The following RPAP2 variants were observed in gnomAD, a reference collection of about 807,000 sequenced individuals.
RPAP2 encodes the protein putative RNA polymerase II subunit B1 CTD phosphatase RPAP2.
Under a neutral mutation model 73.1 loss-of-function variants are expected in RPAP2, and 52 were observed. The observed-to-expected ratio is 0.71, with a 90% confidence interval of 0.57 to 0.90. The LOEUF is 0.90. RPAP2 is among the 40% of genes least tolerant of loss of function. The pLI is 0.00. For synonymous variants in RPAP2, 225 were observed against 242.1 expected (o/e 0.93, Z 0.65); for missense variants, 598 against 701.8 (o/e 0.85, Z 1.67).
chr1:92,401,250 G>C lies in RPAP2; in HGVS notation c.*14239G>C, dbSNP rs977209190. The C allele has an allele frequency of 6.6e-6, 1 of 152,200 alleles. No individual in the cohort carries two copies. Among genetic ancestry groups the C allele is most frequent in the African/African-American group, 2.4e-5 (1 of 41,436 alleles). The allele number at this position is 152,200 out of a possible 1,614,324, so 9.4% of individuals were successfully genotyped here. A position where few individuals can be genotyped will look rare whatever the true frequency, so the allele number is the denominator to read the frequency against. ...GACCTTTCTAACTCACTTCTGTAAA[G>C]ATCAATTCAATAAAAGCAGCAAACA... On this transcript the variant is annotated 3_prime_UTR_variant, in exon 13 of 13. Coordinates refer to ENST00000610020, the MANE Select transcript of RPAP2 (RefSeq NM_024813.3).
intron 11 of RPAP2, among the ~76,000 whole-genome samples, chr1:92,373,825 T>C (rs1350632889): frequency 1.4e-5 from 2 of 144,992 alleles, no homozygotes; most frequent in African/African-American, 2.6e-5. Flanking sequence ...GGACTCAGGC[T>C]GAAGAACTGC....
At chr1:92,386,566 C>T (rs917016581) in intron 12 of RPAP2, among the ~76,000 whole-genome samples, 6 of 152,162 alleles carry the variant, frequency 3.9e-5, no homozygotes, top group African/African-American at 4.8e-5. Flanking sequence ...AAGTTGAATA[C>T]GAAGCTCAGT....
intron 11 of RPAP2, among the ~76,000 whole-genome samples, chr1:92,349,688 G>C (rs749418134): frequency 6.6e-6 from 1 of 152,172 alleles, no homozygotes; most frequent in African/African-American, 2.4e-5. Context: ...AGCATTTTGG[G>C]AGGCTGAGGC....
chr1:92,356,298 G>C (rs1269360204), intron 11 of RPAP2, among the ~76,000 whole-genome samples: 2 of 151,560 alleles, frequency 1.3e-5, no homozygotes, highest in African/African-American at 4.8e-5. Flanking sequence ...TTTTATTCTG[G>C]GAATAAGTAT....
intron 11 of RPAP2, among the ~76,000 whole-genome samples, chr1:92,367,703 TC>T (rs2101408913): frequency 6.6e-6 from 1 of 152,296 alleles, no homozygotes; most frequent in South Asian, 2.1e-4. Flanking sequence ...GCCTTTCACT[TC>T]CTGTCCCTTC....
At chr1:92,328,568 T>A (rs1652778657) in intron 8 of RPAP2, among the ~76,000 whole-genome samples, 1 of 152,220 alleles carries the variant, frequency 6.6e-6, no homozygotes, top group Non-Finnish European at 1.5e-5. Flanking sequence ...TTTGTTTGAT[T>A]TCTTTAAGTT....
At chr1:92,347,450 A>G (rs1653961577) in intron 11 of RPAP2, among the ~76,000 whole-genome samples, 1 of 152,172 alleles carries the variant, frequency 6.6e-6, no homozygotes, top group South Asian at 2.1e-4. Flanking sequence ...TTTGGTCGAC[A>G]AGTCAGAGGC....
chr1:92,303,885 G>C (rs139472198), intron 3 of RPAP2, 92 bp from the exon 4 acceptor site: 346 of 771,528 alleles, frequency 4.5e-4, no homozygotes, highest in African/African-American at 4.4e-3. Flanking sequence ...TGCTATCCCT[G>C]TGTTTTCAGA....
In RPAP2 at chr1:92,324,086, A is replaced by G. The variant is rs1481706459; in HGVS notation, c.1166A>G (p.Gln389Arg). The change falls in exon 8 of 13, where the codon CAG becomes CGG. Residue 389 changes from glutamine (Q) to arginine (R), a missense_variant. This residue lies in a region of RPAP2 where 506 missense variants were observed against 612.8 expected (regional missense o/e 0.83). Coordinates refer to ENST00000610020, the MANE Select transcript of RPAP2 (RefSeq NM_024813.3). ...TEETLRFLYGQNYASVCLKPE... is the reference protein window; with the variant it reads ...TEETLRFLYGRNYASVCLKPE... ...GAAACATTGAGGTTTTTGTATGGCCAGAATTATGCTTCTGTGTGTCTGAAA... is the reference window on the plus strand; with the variant it reads ...GAAACATTGAGGTTTTTGTATGGCCGGAATTATGCTTCTGTGTGTCTGAAA... 1.9e-6 allele frequency: 3 copies of G among 1,614,154 alleles called. No individual in the cohort carries two copies. The highest frequency in any genetic ancestry group is 1.7e-5 in the Admixed American group (1 of 60,016).
chr1:92,340,746 T>G (rs895981021), intron 10 of RPAP2, among the ~76,000 whole-genome samples: 1 of 152,184 alleles, frequency 6.6e-6, no homozygotes, highest in Non-Finnish European at 1.5e-5. Context: ...ATTTCCCCAG[T>G]GAATAGAGCT....
intron 10 of RPAP2, among the ~76,000 whole-genome samples, chr1:92,341,422 G>C (rs1307192548): frequency 6.6e-6 from 1 of 152,026 alleles, no homozygotes; most frequent in African/African-American, 2.4e-5. Context: ...AATTATTTTG[G>C]CTCAACAATA....
chr1:92,384,516 C>G (rs1233455466), intron 12 of RPAP2, among the ~76,000 whole-genome samples: 1 of 150,836 alleles, frequency 6.6e-6, no homozygotes, highest in Non-Finnish European at 1.5e-5. Flanking sequence ...CCCAGCTACT[C>G]AGGAGGCTGA....
chr1:92,346,455 C>G (rs929028322), intron 11 of RPAP2, among the ~76,000 whole-genome samples: 3 of 152,198 alleles, frequency 2.0e-5, no homozygotes, highest in Admixed American at 2.0e-4. Context: ...TGAGCCACCA[C>G]ACCCAGCCTG....
chr1:92,350,416 A>C (rs551221469), intron 11 of RPAP2, among the ~76,000 whole-genome samples: 5 of 152,310 alleles, frequency 3.3e-5, no homozygotes, highest in African/African-American at 1.2e-4. Flanking sequence ...TAACCTGATA[A>C]TTGCTCAGAT....
intron 10 of RPAP2, among the ~76,000 whole-genome samples, chr1:92,338,445 A>G (rs1266640062): frequency 6.6e-6 from 1 of 152,216 alleles, no homozygotes; most frequent in East Asian, 1.9e-4. Flanking sequence ...TCTTATACCT[A>G]TCACAGAACC....
intron 12 of RPAP2, among the ~76,000 whole-genome samples, chr1:92,384,399 G>C (rs1326566398): frequency 6.6e-6 from 1 of 151,652 alleles, no homozygotes. Flanking sequence ...TGAGGCAGGA[G>C]GATCACTTGA....
At chr1:92,314,351 GTT>G (rs112702571) in intron 6 of RPAP2, among the ~76,000 whole-genome samples, 3 of 136,748 alleles carry the variant, frequency 2.2e-5, no homozygotes, top group Non-Finnish European at 1.6e-5. Flanking sequence ...TGGTTTTTGG[GTT>G]TTTTTTTTTT....
rs534065000 is a variant in RPAP2 at position 92,358,238 on chromosome 1, A to G, written c.1688+12324A>G. Among the ~76,000 whole-genome samples, 4 of 152,220 alleles carry G rather than the reference A, an allele frequency of 2.6e-5. No individual in the cohort carries two copies. The East Asian group carries it at 7.7e-4, about 29-fold the overall frequency. On this transcript the variant is annotated intron_variant, in intron 11 of 12. Transcript: ENST00000610020. The stretch of plus-strand genomic sequence containing the variant: ...TAGCCCTTCTTTCTTCTCCAGCCTC[A>G]TCTCACACCATCCTACCTTGTTCTC...
chr1:92,355,453 T>C (rs2101360125), intron 11 of RPAP2, among the ~76,000 whole-genome samples: 1 of 152,306 alleles, frequency 6.6e-6, no homozygotes, highest in Middle Eastern at 3.4e-3. Context: ...CTGAAAGAGA[T>C]AAAGATGAGT....
Sources: allele counts gnomAD v4.1 joint callset (sites outside exome capture counted in the v4.1 genomes callset), GRCh38; gene constraint gnomAD v4.1.1; regional missense constraint gnomAD v4.1.1; transcripts MANE v1.5; gene names NCBI Gene and HGNC (gene_info 2026-07-23, HGNC 2026-07-21).